DLGAP5: variants seen among roughly 807,000 people sequenced by gnomAD.
The protein encoded by DLGAP5 is DLG associated protein 5, also known as disks large-associated protein 5.
A neutral mutation model predicts 99.6 loss-of-function variants in DLGAP5; 90 were observed. That is an observed-to-expected ratio of 0.90 (90% CI 0.76 to 1.08). The LOEUF is 1.08. Ranked by LOEUF, DLGAP5 falls within the 50% of genes least tolerant of loss-of-function variation. DLGAP5 has a pLI of 0.00. For synonymous variants in DLGAP5, 311 were observed against 321.3 expected (o/e 0.97, Z 0.34); for missense variants, 1,036 against 983.5 (o/e 1.05, Z -0.71).
chr14:55,169,309 C>G, intron 12 of DLGAP5, 90 bp downstream of exon 12: 2 of 818,660 alleles, frequency 2.4e-6, no homozygotes, highest in Non-Finnish European at 3.5e-6. Flanking sequence ...GGTACATAAG[C>G]AGCTACTATT....
intron 2 of DLGAP5, among the ~76,000 whole-genome samples, chr14:55,187,893 A>G (rs1883484030): frequency 6.6e-6 from 1 of 152,222 alleles, no homozygotes; most frequent in Admixed American, 6.5e-5. Context: ...TTAGGATTCT[A>G]TGTAATCTAT....
chr14:55,166,303 T>C (rs1397246371), intron 12 of DLGAP5, among the ~76,000 whole-genome samples: 1 of 152,182 alleles, frequency 6.6e-6, no homozygotes, highest in Non-Finnish European at 1.5e-5. Flanking sequence ...CCATAAGGTA[T>C]GATTCTATTT....
intron 3 of DLGAP5, among the ~76,000 whole-genome samples, chr14:55,183,057 C>T (rs1456263560): frequency 6.6e-6 from 1 of 152,174 alleles, no homozygotes; most frequent in African/African-American, 2.4e-5. Flanking sequence ...CTTTACCCCT[C>T]ACCATCTACT....
At chr14:55,190,549 A>T (rs1883578311) in intron 1 of DLGAP5, among the ~76,000 whole-genome samples, 2 of 152,210 alleles carry the variant, frequency 1.3e-5, no homozygotes, top group Admixed American at 1.3e-4. Context: ...TAAAAAACAA[A>T]AACAAAAAAA....
rs1161312967 is a variant in DLGAP5 at position 55,158,401 on chromosome 14, A to C, written c.1873+121T>G. The C allele has an allele frequency of 3.8e-6, 3 of 780,796 alleles. No homozygotes were observed. The African/African-American group carries it at 5.3e-5, about 14-fold the overall frequency. The allele number at this position is 780,796 out of a possible 1,614,324, so 48.4% of individuals were successfully genotyped here. On this transcript the variant is annotated intron_variant, in intron 14 of 18. Transcript: ENST00000247191. ...TCTATTTTCTAAAAATCACAGAAAA[A>C]CTTATGTCTCTTCATGTAAAAAACT...
At position 55,151,736 on chromosome 14, in the gene DLGAP5, T is replaced by C. The variant is rs1882025807; in HGVS notation, c.2327A>G (p.Asn776Ser). 2 of 1,613,898 alleles carry C rather than the reference T, an allele frequency of 1.2e-6. No homozygotes were observed. The highest frequency in any genetic ancestry group is 1.7e-6 in the Non-Finnish European group (2 of 1,179,924). ...AGTTTCCCCTTCTTCTAAGATGCTA[T>C]TTTGTGAAGCTGTATTTTTTTCAGG... ...SSPEKNTASQ[N>S]SILEEGETKI... Residue 776 changes from asparagine to serine, a missense_variant, in exon 17 of 19, where the codon AAT becomes AGT. Transcript: ENST00000247191.
At chr14:55,182,044 C>T (rs181414733) in intron 4 of DLGAP5, among the ~76,000 whole-genome samples, 1 of 152,148 alleles carries the variant, frequency 6.6e-6, no homozygotes, top group Non-Finnish European at 1.5e-5. Context: ...ATTTTGAAGA[C>T]CCGTAAGTTT....
rs1882019278 is a variant in DLGAP5, at chr14:55,151,545, G to C, written c.2368+150C>G. Reference sequence around the variant, plus strand: ...TCTCAAAAAAAAAAAAAATCTTGAGGGAATTGTTCTAATTCAGGGTCTTCA... The same window carrying C: ...TCTCAAAAAAAAAAAAAATCTTGAGCGAATTGTTCTAATTCAGGGTCTTCA... On this transcript the variant is annotated intron_variant, in intron 17 of 18. Coordinates refer to ENST00000247191, the MANE Select transcript of DLGAP5 (RefSeq NM_014750.5). 6.9e-6 allele frequency: 6 copies of C among 875,550 alleles called. No homozygotes were observed. In the South Asian group the frequency reaches 1.2e-4, roughly 18 times the overall value. 54.2% of individuals were successfully genotyped at this position (875,550 alleles called of 1,614,324 possible).
At chr14:55,153,175 C>T (rs1882075910) in intron 15 of DLGAP5, among the ~76,000 whole-genome samples, 1 of 152,132 alleles carries the variant, frequency 6.6e-6, no homozygotes. Context: ...ATGTAGCTAA[C>T]TCCAGCTAGA....
intron 6 of DLGAP5, 119 bp downstream of exon 6, chr14:55,180,537 G>C (rs1284973602): frequency 2.9e-6 from 4 of 1,399,314 alleles, no homozygotes; most frequent in Non-Finnish European, 2.9e-6. Context: ...TCAGGTATTA[G>C]AATTTCCTGT....
intron 14 of DLGAP5, among the ~76,000 whole-genome samples, chr14:55,155,594 T>G (rs989637617): frequency 6.6e-5 from 10 of 151,780 alleles, no homozygotes; most frequent in African/African-American, 2.4e-4. Context: ...GTGATCCACC[T>G]GCCTCAGCCT....
chr14:55,189,762 C>T (rs1020217036), intron 1 of DLGAP5, among the ~76,000 whole-genome samples: 1 of 152,170 alleles, frequency 6.6e-6, no homozygotes, highest in Non-Finnish European at 1.5e-5. Context: ...TTCATGTATT[C>T]ACCTAAGAAG....
chr14:55,155,348 T>C (rs964161644), intron 14 of DLGAP5, among the ~76,000 whole-genome samples: 4 of 148,932 alleles, frequency 2.7e-5, no homozygotes, highest in South Asian at 4.3e-4. Flanking sequence ...CCTTTTTTTT[T>C]GTTTTTGTTT....
At chr14:55,152,694 T>C (rs1477733497) in intron 15 of DLGAP5, 47 bp from the exon 16 acceptor site, 6 of 1,466,256 alleles carry the variant, frequency 4.1e-6, no homozygotes, top group Admixed American at 4.4e-5. Context: ...ATATTGTTAT[T>C]GTTTCACTTG....
Position 55,175,884 on chromosome 14 carries a change from A to C in DLGAP5, c.1174+10T>G. The C allele has an allele frequency of 6.5e-7, 1 of 1,548,188 alleles. No individual in the cohort carries two copies. Among genetic ancestry groups the C allele is most frequent in the East Asian group, 2.3e-5 (1 of 44,170 alleles). ...TTCTAAAAAATGAATAAATTAATTA[A>C]ATACTATACCTTCATGCCAAACAGT... is the stretch of plus-strand genomic sequence containing the variant. On this transcript the variant is annotated intron_variant, in intron 9 of 18. Transcript: ENST00000247191.
chr14:55,180,798 C>A lies in DLGAP5; in HGVS notation c.581-20G>T, dbSNP rs981204632. 6.2e-7 allele frequency: 1 copy of A among 1,613,904 alleles called. No homozygotes were observed. The highest frequency in any genetic ancestry group is 8.5e-7 in the Non-Finnish European group (1 of 1,179,900). ...GCACAACTGTGGGAAAAAAAAATAA[C>A]TACATCAAATGTCCCTTGTAGTTAT... On this transcript the variant is annotated intron_variant, in intron 5 of 18. Transcript: ENST00000247191.
chr14:55,155,818 G>T (rs1224165975), intron 14 of DLGAP5, among the ~76,000 whole-genome samples: 1 of 152,048 alleles, frequency 6.6e-6, no homozygotes, highest in Non-Finnish European at 1.5e-5. Context: ...GCCGGGCGCG[G>T]TGGCTCATGC....
chr14:55,181,088 C>G, intron 5 of DLGAP5, 125 bp downstream of exon 5: 8 of 961,970 alleles, frequency 8.3e-6, no homozygotes, highest in Non-Finnish European at 1.2e-5. Flanking sequence ...GCACTCCAAC[C>G]TGGGCAACAG....
intron 18 of DLGAP5, 63 bp from the exon 19 acceptor site, chr14:55,148,536 C>T: frequency 2.5e-6 from 4 of 1,611,930 alleles, no homozygotes; most frequent in Non-Finnish European, 3.4e-6. Context: ...ATTAATTCTT[C>T]AACATTCTAT....
Sources: allele counts gnomAD v4.1 joint callset (sites outside exome capture counted in the v4.1 genomes callset), GRCh38; gene constraint gnomAD v4.1.1; transcripts MANE v1.5; gene names NCBI Gene and HGNC (gene_info 2026-07-23, HGNC 2026-07-21).